SEMA6D: variants seen among roughly 807,000 people sequenced by gnomAD.
SEMA6D encodes semaphorin 6D, also known as semaphorin-6D.
A neutral mutation model predicts 106.6 loss-of-function variants in SEMA6D; 35 were observed. That is an observed-to-expected ratio of 0.33 (90% CI 0.25 to 0.44). The LOEUF is 0.44. SEMA6D is among the 20% of genes least tolerant of loss of function. The pLI is 1.00. For synonymous variants in SEMA6D, 499 were observed against 487.7 expected, an observed-to-expected ratio of 1.02 and a Z score of -0.31; for missense variants, 1,185 against 1,345.9, an observed-to-expected ratio of 0.88 and a Z score of 1.87.
rs902352145 is a variant in SEMA6D, at chr15:47,488,203, G to T, written c.-87+17658G>T. Among the ~76,000 whole-genome samples, 4 of 151,980 alleles carry T rather than the reference G, an allele frequency of 2.6e-5. No homozygotes were observed. The East Asian group carries it at 7.7e-4, about 29-fold the overall frequency. ...TATCTTCTTTGCACATGGTTGAAAG[G>T]GTGCAGAAATACCAGAGGAAACATG... On this transcript the variant is annotated intron_variant, in intron 3 of 19. Transcript: ENST00000558014.
At chr15:47,491,041 A>T (rs939712347) in intron 3 of SEMA6D, among the ~76,000 whole-genome samples, 1 of 152,160 alleles carries the variant, frequency 6.6e-6, no homozygotes, top group Non-Finnish European at 1.5e-5. Flanking sequence ...AGAATTTGGG[A>T]TTATCTCATA....
intron 1 of SEMA6D, among the ~76,000 whole-genome samples, chr15:47,229,043 A>G (rs2141531937): frequency 6.6e-6 from 1 of 152,116 alleles, no homozygotes; most frequent in African/African-American, 2.4e-5. Context: ...ACACCTAGGA[A>G]ACTGAAGCTT....
chr15:47,185,888 GCT>G (rs1259619239), intron 1 of SEMA6D: 1 of 152,058 alleles, frequency 6.6e-6, no homozygotes, highest in East Asian at 1.9e-4. Context: ...GGAAAAAAAT[GCT>G]CTTTCTTTTT....
At chr15:47,617,577 T>C (rs1277187853) in intron 4 of SEMA6D, among the ~76,000 whole-genome samples, 2 of 152,196 alleles carry the variant, frequency 1.3e-5, no homozygotes, top group Non-Finnish European at 2.9e-5. Context: ...TGTATTTTTT[T>C]CCCACTTTAG....
chr15:47,689,757 G>A (rs1227463140), intron 4 of SEMA6D, among the ~76,000 whole-genome samples: 1 of 152,212 alleles, frequency 6.6e-6, no homozygotes, highest in Non-Finnish European at 1.5e-5. Context: ...TCCTGTTTCA[G>A]AGCAAAGTTC....
At chr15:47,233,374 C>T (rs1190848641) in intron 1 of SEMA6D, among the ~76,000 whole-genome samples, 1 of 151,904 alleles carries the variant, frequency 6.6e-6, no homozygotes, top group Admixed American at 6.6e-5. Flanking sequence ...AATGTAAGTC[C>T]TTTAAACTTA....
chr15:47,474,948 A>G (rs944070476), intron 3 of SEMA6D, among the ~76,000 whole-genome samples: 1 of 152,212 alleles, frequency 6.6e-6, no homozygotes, highest in Admixed American at 6.5e-5. Flanking sequence ...TCTGGATGAT[A>G]TAGCTACAGG....
chr15:47,316,542 G>C (rs948219176), intron 1 of SEMA6D, among the ~76,000 whole-genome samples: 10 of 142,044 alleles, frequency 7.0e-5, no homozygotes, highest in Admixed American at 6.7e-4. Context: ...GGATTTTTTT[G>C]GGGGGGGTTT....
chr15:47,651,404 C>G (rs1035586018), intron 4 of SEMA6D, among the ~76,000 whole-genome samples: 1 of 151,458 alleles, frequency 6.6e-6, no homozygotes. Flanking sequence ...CACCCTGCCT[C>G]TAAAAAAAAA....
Position 47,555,120 on chromosome 15 carries a change from G to A in SEMA6D, c.-86-45745G>A, listed in dbSNP as rs1476508884. On this transcript the variant is annotated intron_variant, in intron 3 of 19. Coordinates refer to the SEMA6D transcript ENST00000558014. ...GTACAACAAGTAAAGGTAGACTTGAGCCACTTCCCCAGGAGGATGTTGAAC... is the reference window on the plus strand; with the variant it reads ...GTACAACAAGTAAAGGTAGACTTGAACCACTTCCCCAGGAGGATGTTGAAC... 3.9e-5 allele frequency among the ~76,000 whole-genome samples: 6 copies of A among 152,208 alleles called. No individual in the cohort carries two copies. In the East Asian group the frequency reaches 9.7e-4, roughly 25 times the overall value.
chr15:47,365,127 G>A (rs2038964800), intron 1 of SEMA6D, among the ~76,000 whole-genome samples: 2 of 152,164 alleles, frequency 1.3e-5, no homozygotes, highest in Admixed American at 1.3e-4. Flanking sequence ...ATATCCCACA[G>A]ACAGAACCTT....
intron 1 of SEMA6D, among the ~76,000 whole-genome samples, chr15:47,365,952 TAGAAAA>T (rs2039013103): frequency 3.1e-5 from 4 of 129,464 alleles, no homozygotes; most frequent in Non-Finnish European, 6.6e-5. Flanking sequence ...GAAAGAAAGA[TAGAAAA>T]GAAAGAAAGA....
chr15:47,751,065 T>G (rs999398645), intron 1 of SEMA6D, among the ~76,000 whole-genome samples: 5 of 152,180 alleles, frequency 3.3e-5, no homozygotes, highest in African/African-American at 9.7e-5. Context: ...ATAGTGATGA[T>G]TAATAATCTA....
chr15:47,220,061 A>G (rs1023580942), intron 1 of SEMA6D, among the ~76,000 whole-genome samples: 1 of 152,136 alleles, frequency 6.6e-6, no homozygotes, highest in African/African-American at 2.4e-5. Flanking sequence ...GCCTCTTGAT[A>G]CCTAGGCTCA....
At chr15:47,718,509 C>T (rs1423569259) in intron 1 of SEMA6D, 1 of 149,928 alleles carries the variant, frequency 6.7e-6, no homozygotes, top group Non-Finnish European at 1.5e-5. Context: ...CCCACCGTCC[C>T]TCTCCCCTTA....
chr15:47,494,189 C>G (rs967154942), intron 3 of SEMA6D, among the ~76,000 whole-genome samples: 1 of 152,094 alleles, frequency 6.6e-6, no homozygotes, highest in African/African-American at 2.4e-5. Flanking sequence ...GTGTCACCCT[C>G]TCTATTATTC....
intron 1 of SEMA6D, among the ~76,000 whole-genome samples, chr15:47,389,431 A>C (rs979277506): frequency 2.0e-5 from 3 of 152,134 alleles, no homozygotes; most frequent in African/African-American, 7.2e-5. Context: ...CTCTGGAGAA[A>C]AAAAAAAGAC....
intron 3 of SEMA6D, among the ~76,000 whole-genome samples, chr15:47,595,277 A>T (rs1177231151): frequency 4.6e-5 from 7 of 152,214 alleles, no homozygotes; most frequent in African/African-American, 1.7e-4. Context: ...AATTTTTATT[A>T]TGAAAACAAG....
intron 1 of SEMA6D, among the ~76,000 whole-genome samples, chr15:47,208,994 C>T (rs567837270): frequency 6.6e-6 from 1 of 152,286 alleles, no homozygotes; most frequent in Admixed American, 6.5e-5. Flanking sequence ...GTCAGCTGGA[C>T]CACATGCATA....
Sources: allele counts gnomAD v4.1 joint callset (sites outside exome capture counted in the v4.1 genomes callset), GRCh38; gene constraint gnomAD v4.1.1; transcripts MANE v1.5; gene names NCBI Gene and HGNC (gene_info 2026-07-23, HGNC 2026-07-21).